The following STPG2 variants were observed in gnomAD, a reference collection of about 807,000 sequenced individuals.
STPG2 encodes sperm tail PG-rich repeat containing 2.
Under a neutral mutation model 54.2 loss-of-function variants are expected in STPG2, and 56 were observed. That is an observed-to-expected ratio of 1.03 (90% CI 0.83 to 1.29). STPG2 has a LOEUF of 1.29. STPG2 is among the 50% of genes most tolerant of loss of function. The pLI, the probability that STPG2 is intolerant of heterozygous loss-of-function variation, is 0.00. For missense variants in STPG2, 596 were observed against 544.9 expected (o/e 1.09, Z -0.93); for synonymous variants, 200 against 181.8 (o/e 1.10, Z -0.81).
intron 10 of STPG2, among the ~76,000 whole-genome samples, chr4:97,606,700 G>T (rs1375655379): frequency 1.3e-5 from 2 of 151,836 alleles, no homozygotes; most frequent in Non-Finnish European, 2.9e-5. Flanking sequence ...GAGTCCAAAT[G>T]AATTGTTAAT....
At chr4:97,880,398 A>C (rs1030906351) in intron 8 of STPG2, among the ~76,000 whole-genome samples, 2 of 152,212 alleles carry the variant, frequency 1.3e-5, no homozygotes, top group Non-Finnish European at 2.9e-5. Flanking sequence ...AGAAAGTCGT[A>C]CAGAATGAAA....
At chr4:97,962,959 G>A (rs548652661) in intron 7 of STPG2, among the ~76,000 whole-genome samples, 1 of 152,160 alleles carries the variant, frequency 6.6e-6, no homozygotes, top group East Asian at 1.9e-4. Flanking sequence ...AGGAGTTCGA[G>A]ATCAGCCTGA....
chr4:97,522,585 G>A (rs1304985860), intron 4 of STPG2, among the ~76,000 whole-genome samples: 1 of 151,914 alleles, frequency 6.6e-6, no homozygotes, highest in African/African-American at 2.4e-5. Flanking sequence ...AGTGGGACTT[G>A]AGTCATTTAT....
At chr4:97,514,545 G>C (rs1327645499) in intron 4 of STPG2, among the ~76,000 whole-genome samples, 1 of 152,056 alleles carries the variant, frequency 6.6e-6, no homozygotes, top group African/African-American at 2.4e-5. Context: ...AGTAATAAAA[G>C]TATTTTTCAT....
intron 5 of STPG2, among the ~76,000 whole-genome samples, chr4:98,037,734 G>A (rs1736819903): frequency 6.6e-6 from 1 of 152,076 alleles, no homozygotes; most frequent in African/African-American, 2.4e-5. Flanking sequence ...AAAACCATAA[G>A]CAAGTTAAAG....
intron 7 of STPG2, among the ~76,000 whole-genome samples, chr4:97,971,061 C>A (rs185128505): frequency 6.6e-6 from 1 of 152,338 alleles, no homozygotes; most frequent in East Asian, 1.9e-4. Flanking sequence ...AATTGCTCAT[C>A]ATCACTGGTC....
chr4:98,030,198 T>C (rs1225062304), intron 5 of STPG2, among the ~76,000 whole-genome samples: 1 of 152,178 alleles, frequency 6.6e-6, no homozygotes, highest in East Asian at 1.9e-4. Context: ...AAATGCTGTA[T>C]CTGAGAAAGC....
At chr4:97,844,971 T>C (rs1258068642) in intron 8 of STPG2, among the ~76,000 whole-genome samples, 1 of 152,050 alleles carries the variant, frequency 6.6e-6, no homozygotes, top group African/African-American at 2.4e-5. Flanking sequence ...GTAAATTTTT[T>C]ATTTATGTTT....
intron 9 of STPG2, among the ~76,000 whole-genome samples, chr4:97,793,400 C>G (rs6826707): frequency 0.37 from 54,851 of 148,130 alleles, 10,116 homozygotes; most frequent in Middle Eastern, 0.46. Context: ...CACACACACA[C>G]ACAGAGAAAT....
intron 7 of STPG2, among the ~76,000 whole-genome samples, chr4:97,957,699 T>C (rs544183160): frequency 2.0e-5 from 3 of 152,252 alleles, no homozygotes; most frequent in Admixed American, 6.5e-5. Flanking sequence ...AAGGAAAACC[T>C]ATCAGATTAA....
At chr4:97,792,787 C>T (rs1238886188) in intron 9 of STPG2, among the ~76,000 whole-genome samples, 3 of 152,140 alleles carry the variant, frequency 2.0e-5, no homozygotes, top group Non-Finnish European at 4.4e-5. Context: ...TCTTGCAATA[C>T]CTGTTCTCTT....
At chr4:97,484,988 A>G (rs754021922) in intron 4 of STPG2, among the ~76,000 whole-genome samples, 1 of 151,872 alleles carries the variant, frequency 6.6e-6, no homozygotes, top group Non-Finnish European at 1.5e-5. Flanking sequence ...ATGCAGAAAA[A>G]GCATTTGACA....
chr4:97,603,709 A>G (rs1011709484), intron 10 of STPG2, among the ~76,000 whole-genome samples: 1 of 151,682 alleles, frequency 6.6e-6, no homozygotes, highest in African/African-American at 2.4e-5. Flanking sequence ...TGAGGGTCTC[A>G]TGGTAAGTAA....
At chr4:97,538,351 C>A (rs937069711) in intron 4 of STPG2, among the ~76,000 whole-genome samples, 10 of 152,118 alleles carry the variant, frequency 6.6e-5, no homozygotes, top group Non-Finnish European at 1.5e-4. Context: ...CTTAAATAAC[C>A]TAATGGAGCT....
chr4:97,685,015 T>A (rs933296743), intron 10 of STPG2, among the ~76,000 whole-genome samples: 1 of 151,916 alleles, frequency 6.6e-6, no homozygotes, highest in Non-Finnish European at 1.5e-5. Context: ...TTTAAAACAA[T>A]AATAAAATAC....
At chr4:97,891,498 A>T (rs1730768384) in intron 8 of STPG2, among the ~76,000 whole-genome samples, 1 of 152,104 alleles carries the variant, frequency 6.6e-6, no homozygotes, top group South Asian at 2.1e-4. Context: ...CTAAAAAAAA[A>T]TGATATATCT....
intron 7 of STPG2, among the ~76,000 whole-genome samples, chr4:97,968,595 A>C (rs753822836): frequency 1.6e-4 from 24 of 152,190 alleles, no homozygotes; most frequent in Non-Finnish European, 2.9e-4. Flanking sequence ...ACCAAGATCA[A>C]GTTGGCTTCA....
chr4:97,890,360 T>G (rs1484297543), intron 8 of STPG2, among the ~76,000 whole-genome samples: 1 of 152,050 alleles, frequency 6.6e-6, no homozygotes, highest in Admixed American at 6.5e-5. Flanking sequence ...AAAAAAATTT[T>G]TTTTAAATTA....
Position 97,528,628 on chromosome 4 carries a change from C to T in STPG2, c.462+184071G>A, listed in dbSNP as rs139886969. On this transcript the variant is annotated intron_variant, in intron 4 of 4. Transcript: ENST00000522676. ...TCATGATATTGATTCTTCCTATCCA[C>T]GAGCATGGAATGTTTTGCCATTTGT... is the stretch of plus-strand genomic sequence containing the variant. Among the ~76,000 whole-genome samples, 645 of 152,098 alleles carry T rather than the reference C, an allele frequency of 4.2e-3. 3 individuals carry two copies. Among genetic ancestry groups the T allele is most frequent in the South Asian group, 0.021 (100 of 4,820 alleles).
Sources: gnomAD v4.1 joint callset for allele counts (sites outside exome capture counted in the v4.1 genomes callset) on GRCh38, gnomAD v4.1.1 for gene constraint, MANE v1.5 for transcripts, NCBI Gene and HGNC (gene_info 2026-07-23, HGNC 2026-07-21) for gene names.